The following ATP2B3 variants were observed in gnomAD, a reference collection of about 807,000 sequenced individuals.
ATP2B3 encodes plasma membrane calcium-transporting ATPase 3.
ATP2B3 carries 12 observed loss-of-function variants against 70.8 expected under a neutral mutation model. That is an observed-to-expected ratio of 0.17 (90% CI 0.11 to 0.27). The LOEUF (loss-of-function observed/expected upper bound fraction) is 0.27, where lower values mean the gene tolerates loss of function less well. Among genes scored for constraint, ATP2B3 ranks in the 10% least tolerant of loss-of-function variants. The pLI is 1.00. For synonymous variants in ATP2B3, 460 were observed against 497.8 expected (o/e 0.92, Z 1.01); for missense variants, 858 against 1,118.5 (o/e 0.77, Z 3.32).
chrX:153,539,396 G>A (rs908888875), intron 3 of ATP2B3, among the ~76,000 whole-genome samples: 1 of 112,897 alleles, frequency 8.9e-6, no homozygotes, highest in Non-Finnish European at 1.9e-5. Flanking sequence ...CCATGTGGCC[G>A]TCGCCTAGCT....
chrX:153,553,396 CGTCCTGG>C, intron 13 of ATP2B3, 127 bp downstream of exon 13: 1 of 562,166 alleles, frequency 1.8e-6, no homozygotes. Flanking sequence ...ACTTGAGCCC[CGTCCTGG>C]GTGCTCTCAC....
intron 21 of ATP2B3, among the ~76,000 whole-genome samples, chrX:153,577,191 G>A (rs1163372805): frequency 3.5e-5 from 4 of 113,186 alleles, no homozygotes; most frequent in African/African-American, 1.3e-4. Context: ...GATGCCATCC[G>A]GGAGGGGCAC....
intron 21 of ATP2B3, among the ~76,000 whole-genome samples, chrX:153,577,029 ACTCCAGCCAAGCT>A (rs1418770450): frequency 2.7e-5 from 3 of 112,040 alleles, no homozygotes; most frequent in Non-Finnish European, 5.6e-5. Flanking sequence ...ACTCACCAGG[ACTCCAGCCAAGCT>A]TAGCACCCCC....
chrX:153,562,804 T>C (rs2090644222), intron 20 of ATP2B3, among the ~76,000 whole-genome samples: 1 of 112,234 alleles, frequency 8.9e-6, no homozygotes, highest in Non-Finnish European at 1.9e-5. Flanking sequence ...TACCATAGAC[T>C]GGGAGGCTTA....
At chrX:153,573,831 T>C (rs1385296859) in intron 21 of ATP2B3, among the ~76,000 whole-genome samples, 2 of 112,267 alleles carry the variant, frequency 1.8e-5, no homozygotes, top group Non-Finnish European at 3.8e-5. Flanking sequence ...AGCTTGCTGG[T>C]GTTGGGAGCA....
At chrX:153,563,848 G>A (rs888823420) in intron 20 of ATP2B3, among the ~76,000 whole-genome samples, 5 of 112,536 alleles carry the variant, frequency 4.4e-5, no homozygotes, top group Non-Finnish European at 9.4e-5. Context: ...AGAGAAAAAC[G>A]AAAAGAAGGG....
intron 21 of ATP2B3, among the ~76,000 whole-genome samples, chrX:153,576,991 A>G (rs2090865290): frequency 8.9e-6 from 1 of 112,453 alleles, no homozygotes; most frequent in Non-Finnish European, 1.9e-5. Flanking sequence ...GAGCCTGGAG[A>G]AAGCTGACTC....
chrX:153,562,314 A>G (rs2090637395), intron 20 of ATP2B3, 72 bp downstream of exon 20: 4 of 992,646 alleles, frequency 4.0e-6, no homozygotes, highest in Non-Finnish European at 4.2e-6. Flanking sequence ...ACTTGCCCTA[A>G]CCCTGCTTCA....
At chrX:153,562,592 G>A (rs782664633) in intron 20 of ATP2B3, among the ~76,000 whole-genome samples, 40 of 111,903 alleles carry the variant, frequency 3.6e-4, no homozygotes, top group Non-Finnish European at 6.6e-4. Context: ...TCCATGGGGC[G>A]AAAAGAAAGT....
In ATP2B3 at chrX:153,558,317, G is replaced by C. The variant is rs2090573624; in HGVS notation, c.2625+14G>C. ...TGCATTACTCAGGTGGGTACTGGGG[G>C]CTGCCATGCCCCAGCTAGGACACCT... is the stretch of plus-strand genomic sequence containing the variant. On this transcript the variant is annotated intron_variant, in intron 17 of 21. Transcript: ENST00000263519. 4.2e-6 allele frequency: 5 copies of C among 1,193,651 alleles called. No homozygotes were observed. Among genetic ancestry groups the C allele is most frequent in the Admixed American group, 4.5e-5 (2 of 44,684 alleles).
chrX:153,541,998 G>A, intron 5 of ATP2B3, 72 bp downstream of exon 5: 4 of 1,146,796 alleles, frequency 3.5e-6, no homozygotes, highest in Non-Finnish European at 2.3e-6. Flanking sequence ...TGAGCCAGAG[G>A]AGACCCCCAG....
chrX:153,560,322 T>C (rs2090605445), intron 18 of ATP2B3, among the ~76,000 whole-genome samples: 1 of 111,790 alleles, frequency 8.9e-6, no homozygotes. Flanking sequence ...AGATTGCTCC[T>C]GTGGAGTGAC....
chrX:153,562,092 G>T (rs782031070), intron 19 of ATP2B3, 43 bp from the exon 20 acceptor site: 1 of 1,159,409 alleles, frequency 8.6e-7, no homozygotes, highest in Admixed American at 2.2e-5. Flanking sequence ...GGTGGCTCAG[G>T]AGCCGCGGCT....
chrX:153,574,865 T>A (rs1557020899), intron 21 of ATP2B3: 1 of 330,977 alleles, frequency 3.0e-6, no homozygotes, highest in East Asian at 9.7e-5. Flanking sequence ...CCCCTTCCGC[T>A]TTGGCTCAGT....
At chrX:153,549,417 G>A (rs372052986) in intron 10 of ATP2B3, 80 bp from the exon 11 acceptor site, 198 of 1,190,334 alleles carry the variant, frequency 1.7e-4, no homozygotes, top group African/African-American at 9.5e-4. Context: ...ACAGAGTCAC[G>A]CGATGTTTGT....
At chrX:153,568,679 A>G (rs1179833984) in intron 21 of ATP2B3, among the ~76,000 whole-genome samples, 1 of 111,869 alleles carries the variant, frequency 8.9e-6, no homozygotes, top group African/African-American at 3.2e-5. Flanking sequence ...TCCTTTCCAC[A>G]GCGCGTCAAA....
intron 2 of ATP2B3, among the ~76,000 whole-genome samples, chrX:153,531,174 C>T (rs1439877662): frequency 1.8e-5 from 2 of 113,010 alleles, no homozygotes; most frequent in African/African-American, 6.4e-5. Context: ...GCACACCAGC[C>T]ACCAGCATCT....
intron 21 of ATP2B3, among the ~76,000 whole-genome samples, chrX:153,579,185 C>T (rs1557022034): frequency 8.9e-6 from 1 of 112,621 alleles, no homozygotes; most frequent in Admixed American, 9.3e-5. Flanking sequence ...GAGATGGGGC[C>T]AGGGCAGCTG....
intron 20 of ATP2B3, among the ~76,000 whole-genome samples, chrX:153,563,434 C>T (rs1335397482): frequency 8.9e-6 from 1 of 112,000 alleles, no homozygotes; most frequent in Non-Finnish European, 1.9e-5. Flanking sequence ...AGCCACCATG[C>T]TCGGCCTGGC....
Sources: allele counts gnomAD v4.1 joint callset (sites outside exome capture counted in the v4.1 genomes callset), GRCh38; gene constraint gnomAD v4.1.1; transcripts MANE v1.5; gene names NCBI Gene and HGNC (gene_info 2026-07-23, HGNC 2026-07-21).